PCDHA3: variants seen among roughly 807,000 people sequenced by gnomAD.
PCDHA3 encodes protocadherin alpha-3.
Under a neutral mutation model 62.2 loss-of-function variants are expected in PCDHA3, and 41 were observed. The observed-to-expected ratio is 0.66, with a 90% CI of 0.51 to 0.86. The LOEUF is 0.86. Among genes scored for constraint, PCDHA3 ranks in the 40% least tolerant of loss-of-function variants. PCDHA3 has a pLI of 0.00. For missense variants in PCDHA3, 1,304 were observed against 1,241.2 expected (o/e 1.05, Z -0.76); for synonymous variants, 640 against 555.4 (o/e 1.15, Z -2.14).
At chr5:140,927,964 G>A in intron 1 of PCDHA3, 1 of 1,614,230 alleles carries the variant, frequency 6.2e-7, no homozygotes, top group South Asian at 1.1e-5. Context: ...CCCTGGCACA[G>A]TGATTGCTCT....
intron 1 of PCDHA3, among the ~76,000 whole-genome samples, chr5:140,915,719 T>C (rs545655335): frequency 6.6e-6 from 1 of 152,074 alleles, no homozygotes; most frequent in African/African-American, 2.4e-5. Context: ...GCCCCCACTT[T>C]GGATTGTGCT....
At chr5:140,805,888 G>A (rs1030166) in intron 1 of PCDHA3, among the ~76,000 whole-genome samples, 87,675 of 151,904 alleles carry the variant, frequency 0.58, 25,936 homozygotes, top group African/African-American at 0.7. Flanking sequence ...ATGGAAGGAA[G>A]CAAACATTTT....
chr5:140,807,611 A>G (rs782442126), intron 1 of PCDHA3: 11 of 1,614,108 alleles, frequency 6.8e-6, no homozygotes, highest in African/African-American at 4.0e-5. Flanking sequence ...GAACCTGTCC[A>G]TCGCGGAATC....
intron 1 of PCDHA3, chr5:140,884,027 G>C (rs2059948411): frequency 6.2e-7 from 1 of 1,613,258 alleles, no homozygotes; most frequent in Admixed American, 1.7e-5. Context: ...GTCGGTGGGT[G>C]CAGGCCACGT....
chr5:140,848,279 C>A, intron 1 of PCDHA3: 1 of 591,730 alleles, frequency 1.7e-6, no homozygotes, highest in Admixed American at 3.0e-5. Flanking sequence ...GAAATATGTA[C>A]TTACACTTTG....
chr5:140,850,343 C>T, intron 1 of PCDHA3: 1 of 1,597,790 alleles, frequency 6.3e-7, no homozygotes. Flanking sequence ...CAGAAACGGC[C>T]AGCGCGAGCA....
At position 140,880,491 on chromosome 5, in the gene PCDHA3, A is replaced by G. The variant is rs570569134; in HGVS notation, c.2394+76900A>G. Among the ~76,000 whole-genome samples, 6 of 152,342 alleles carry G rather than the reference A, an allele frequency of 3.9e-5. No individual in the cohort carries two copies. In the South Asian group the frequency reaches 1.2e-3, roughly 32 times the overall value. On this transcript the variant is annotated intron_variant, in intron 1 of 3. Transcript: ENST00000522353. Reference sequence around the variant, plus strand: ...AGGAAAAATGACACAAGAAGAGAGCAATTGAATTTCTGTTTGGTCACATCT... The same window carrying G: ...AGGAAAAATGACACAAGAAGAGAGCGATTGAATTTCTGTTTGGTCACATCT...
intron 1 of PCDHA3, among the ~76,000 whole-genome samples, chr5:140,895,352 G>A (rs1322887367): frequency 7.9e-5 from 12 of 151,916 alleles, no homozygotes; most frequent in African/African-American, 2.9e-4. Flanking sequence ...GCTTTCCAGT[G>A]AGTACTTATT....
At chr5:140,863,090 C>G (rs782806970) in intron 1 of PCDHA3, 1 of 575,070 alleles carries the variant, frequency 1.7e-6, no homozygotes, top group African/African-American at 1.9e-5. Flanking sequence ...GAGATCAGCA[C>G]GACGAGTACC....
chr5:140,954,570 T>G (rs2095058412), intron 1 of PCDHA3, among the ~76,000 whole-genome samples: 1 of 152,252 alleles, frequency 6.6e-6, no homozygotes. Context: ...GACTGTCTTC[T>G]TTTCAGAAGT....
At chr5:141,000,183 A>G (rs2097895175) in intron 3 of PCDHA3, among the ~76,000 whole-genome samples, 1 of 151,898 alleles carries the variant, frequency 6.6e-6, no homozygotes, top group Non-Finnish European at 1.5e-5. Context: ...CAAGGAGTCA[A>G]TGTGAGAATA....
intron 1 of PCDHA3, chr5:140,857,954 C>G: frequency 6.3e-7 from 1 of 1,597,286 alleles, no homozygotes; most frequent in South Asian, 1.1e-5. Flanking sequence ...GACGCGCGCT[C>G]TGGATGAGAC....
chr5:140,834,262 C>A, intron 1 of PCDHA3: 2 of 985,850 alleles, frequency 2.0e-6, no homozygotes, highest in Non-Finnish European at 3.0e-6. Context: ...ACGCTCCACT[C>A]TCTTTCACTC....
Position 140,974,863 on chromosome 5 carries a change from G to A in PCDHA3, c.2395-4086G>A, listed in dbSNP as rs559374442. On this transcript the variant is annotated intron_variant, in intron 1 of 3. Coordinates refer to ENST00000522353, the MANE Select transcript of PCDHA3 (RefSeq NM_018906.3). ...ATGTTATATTCCCTTTTGCCTTAAT[G>A]CGGAACAGTCTATGTATCCCTTTTC... Among the ~76,000 whole-genome samples, 14 of 152,198 alleles carry A rather than the reference G, an allele frequency of 9.2e-5. No homozygotes were observed. The South Asian group carries it at 2.9e-3, about 32-fold the overall frequency.
chr5:140,856,169 G>C lies in PCDHA3; in HGVS notation c.2394+52578G>C, dbSNP rs200441286. ...CTCAGTCTACGAGGAGGCCAGACAC[G>C]GCACCTTCGTGGGCCGCATCGCGCA... On this transcript the variant is annotated intron_variant, in intron 1 of 3. Coordinates refer to ENST00000522353, the MANE Select transcript of PCDHA3 (RefSeq NM_018906.3). 4 of 1,598,346 alleles carry C rather than the reference G, an allele frequency of 2.5e-6. 1 individual carries two copies. Among genetic ancestry groups the C allele is most frequent in the Non-Finnish European group, 3.4e-6 (4 of 1,167,908 alleles).
chr5:140,949,924 A>AT (rs144693243), intron 1 of PCDHA3, among the ~76,000 whole-genome samples: 6 of 151,302 alleles, frequency 4.0e-5, no homozygotes, highest in African/African-American at 7.3e-5. Context: ...CTATTTTTAG[A>AT]TTTTTTTTAA....
Position 140,856,118 on chromosome 5 carries a change from G to A in PCDHA3, c.2394+52527G>A. On this transcript the variant is annotated intron_variant, in intron 1 of 3. Coordinates refer to ENST00000522353, the MANE Select transcript of PCDHA3 (RefSeq NM_018906.3). ...CTCGCTTCTTCTCCTCGCAGCCTGG[G>A]AGGTGGGGAGCGGCCAGCTCCACTA... 1.3e-6 allele frequency: 2 copies of A among 1,598,234 alleles called. 1 individual carries two copies. The highest frequency in any genetic ancestry group is 2.7e-5 in the African/African-American group (2 of 74,402).
intron 1 of PCDHA3, chr5:140,821,836 G>A (rs2150111066): frequency 6.2e-7 from 1 of 1,614,106 alleles, no homozygotes; most frequent in Non-Finnish European, 8.5e-7. Flanking sequence ...GCTTCTCCTT[G>A]CCTACTGGAA....
intron 1 of PCDHA3, chr5:140,969,289 G>C: frequency 6.2e-7 from 1 of 1,614,208 alleles, no homozygotes; most frequent in Non-Finnish European, 8.5e-7. Context: ...AGAATGCTGG[G>C]AACCTGATTA....
Sources: allele counts gnomAD v4.1 joint callset (sites outside exome capture counted in the v4.1 genomes callset), GRCh38; gene constraint gnomAD v4.1.1; transcripts MANE v1.5; gene names NCBI Gene and HGNC (gene_info 2026-07-23, HGNC 2026-07-21).